Variants in CNTN6 observed in about 807,000 individuals in gnomAD.
CNTN6 encodes contactin-6.
In CNTN6, 137 loss-of-function variants were observed where a neutral mutation model predicts 122.8. The ratio of observed to expected loss-of-function variants is 1.12; its 90% CI spans 0.97 to 1.29. The LOEUF (loss-of-function observed/expected upper bound fraction) is 1.29, where lower values mean the gene tolerates loss of function less well. CNTN6 is among the 50% of genes most tolerant of loss of function. The probability of loss-of-function intolerance (pLI) is 0.00; values close to 1 mark genes in which losing one functional copy is unlikely to be tolerated. For synonymous variants in CNTN6, 570 were observed against 426.0 expected (o/e 1.34, Z -4.16); for missense variants, 1,634 against 1,223.4 (o/e 1.34, Z -5.01).
intron 4 of CNTN6, among the ~76,000 whole-genome samples, chr3:1,256,614 C>T (rs1022743118): frequency 6.6e-6 from 1 of 152,084 alleles, no homozygotes; most frequent in African/African-American, 2.4e-5. Context: ...TACTTGAAGC[C>T]TTGGGAGTAG....
At chr3:1,242,351 G>T (rs1303556050) in intron 4 of CNTN6, among the ~76,000 whole-genome samples, 1 of 151,202 alleles carries the variant, frequency 6.6e-6, no homozygotes, top group African/African-American at 2.4e-5. Context: ...GAGTGTAGGG[G>T]TTGGGCACCA....
intron 1 of CNTN6, among the ~76,000 whole-genome samples, chr3:1,134,509 C>T (rs1411528902): frequency 2.6e-5 from 4 of 151,962 alleles, no homozygotes; most frequent in South Asian, 2.1e-4. Flanking sequence ...GCTAGTAGCC[C>T]GTGATACTCT....
chr3:1,322,802 T>A (rs1249997237), intron 8 of CNTN6, among the ~76,000 whole-genome samples: 1 of 151,628 alleles, frequency 6.6e-6, no homozygotes. Context: ...CAATGAATAC[T>A]ACTATTTTAT....
intron 7 of CNTN6, among the ~76,000 whole-genome samples, chr3:1,318,202 GTC>G (rs1433645789): frequency 6.6e-6 from 1 of 151,720 alleles, no homozygotes; most frequent in African/African-American, 2.4e-5. Flanking sequence ...TAAGTCTCAT[GTC>G]TCTTGCGTTT....
chr3:1,258,236 G>C (rs2094791088), intron 4 of CNTN6, among the ~76,000 whole-genome samples: 1 of 152,138 alleles, frequency 6.6e-6, no homozygotes, highest in African/African-American at 2.4e-5. Context: ...TGTGGGTGAA[G>C]TTCCTTTTAT....
intron 5 of CNTN6, among the ~76,000 whole-genome samples, chr3:1,293,942 G>A (rs778388717): frequency 2.4e-4 from 36 of 152,260 alleles, no homozygotes; most frequent in African/African-American, 7.9e-4. Flanking sequence ...TGGCTAAAAC[G>A]AAAGAAATTG....
At chr3:1,182,034 C>T (rs1471711780) in intron 2 of CNTN6, among the ~76,000 whole-genome samples, 3 of 151,896 alleles carry the variant, frequency 2.0e-5, no homozygotes, top group African/African-American at 7.2e-5. Context: ...TTTTCTTAAT[C>T]GTTCTGCTTT....
In CNTN6 at chr3:1,403,456, C is replaced by G. The variant is rs1314406059; in HGVS notation, c.*38C>G. The G allele has an allele frequency of 7.3e-7, 1 of 1,370,660 alleles. No individual in the cohort carries two copies. Among genetic ancestry groups the G allele is most frequent in the Non-Finnish European group, 1.0e-6 (1 of 962,798 alleles). The allele number at this position is 1,370,660 out of a possible 1,614,324, so 84.9% of individuals were successfully genotyped here. ...TAAATCTTTGAGAGTTTTTTGAAAG[C>G]AAATCATTCTGTATATATGCTCTCC... On this transcript the variant is annotated 3_prime_UTR_variant, in exon 23 of 23. Transcript: ENST00000446702.
At chr3:1,198,702 A>G (rs1344038366) in intron 2 of CNTN6, among the ~76,000 whole-genome samples, 1 of 149,210 alleles carries the variant, frequency 6.7e-6, no homozygotes, top group Admixed American at 6.7e-5. Context: ...AGCCTGGGCA[A>G]CAAGAACGAA....
chr3:1,317,050 A>T (rs921460102), intron 7 of CNTN6, among the ~76,000 whole-genome samples: 1 of 151,960 alleles, frequency 6.6e-6, no homozygotes, highest in African/African-American at 2.4e-5. Context: ...TGGCATTCAG[A>T]TTTAGCAGTT....
intron 2 of CNTN6, among the ~76,000 whole-genome samples, chr3:1,154,778 C>T (rs1043254456): frequency 2.0e-5 from 3 of 152,176 alleles, no homozygotes; most frequent in African/African-American, 7.2e-5. Flanking sequence ...CCGATTTAAA[C>T]AACTCCAGAT....
rs556270199 is a variant in CNTN6 at position 1,235,248 on chromosome 3, G to A, written c.358+7255G>A. ...TAGGGGATCCATTCTATCAAAACTG[G>A]GAGTTTCTGATTTACAAAACTGAGA... On this transcript the variant is annotated intron_variant, in intron 4 of 22. Coordinates refer to ENST00000446702, the MANE Select transcript of CNTN6 (RefSeq NM_001289080.2). 1.0e-3 allele frequency among the ~76,000 whole-genome samples: 156 copies of A among 152,136 alleles called. 2 individuals carry two copies. Among genetic ancestry groups the A allele is most frequent in the African/African-American group, 3.6e-3 (149 of 41,514 alleles).
chr3:1,146,797 C>T (rs1200595788), intron 1 of CNTN6, among the ~76,000 whole-genome samples: 2 of 151,858 alleles, frequency 1.3e-5, no homozygotes, highest in African/African-American at 4.8e-5. Context: ...ATAGATATAA[C>T]ATATGATCTA....
chr3:1,263,003 A>C (rs2094871988), intron 4 of CNTN6, among the ~76,000 whole-genome samples: 1 of 152,164 alleles, frequency 6.6e-6, no homozygotes, highest in African/African-American at 2.4e-5. Flanking sequence ...TAAGAGTTAT[A>C]AGTTATTTAG....
At chr3:1,111,671 A>AG (rs1177115214) in intron 1 of CNTN6, among the ~76,000 whole-genome samples, 1 of 152,174 alleles carries the variant, frequency 6.6e-6, no homozygotes, top group African/African-American at 2.4e-5. Flanking sequence ...ACTGAGTGTG[A>AG]GGTAGTTTCA....
intron 12 of CNTN6, among the ~76,000 whole-genome samples, chr3:1,359,000 C>T (rs372162840): frequency 9.5e-4 from 145 of 152,092 alleles, no homozygotes; most frequent in Middle Eastern, 3.4e-3. Context: ...TTCAAGATTG[C>T]AGTGAGCTAT....
intron 3 of CNTN6, among the ~76,000 whole-genome samples, chr3:1,224,110 T>C (rs2094245753): frequency 6.6e-6 from 1 of 152,188 alleles, no homozygotes; most frequent in South Asian, 2.1e-4. Flanking sequence ...TGGTGTTCTC[T>C]GTCAGAGGTC....
At chr3:1,171,188 C>A (rs920448815) in intron 2 of CNTN6, among the ~76,000 whole-genome samples, 2 of 152,114 alleles carry the variant, frequency 1.3e-5, no homozygotes, top group African/African-American at 4.8e-5. Flanking sequence ...GCTAAATATT[C>A]AATGTTAAAA....
chr3:1,209,934 A>G (rs2094011128), intron 2 of CNTN6, among the ~76,000 whole-genome samples: 3 of 152,156 alleles, frequency 2.0e-5, no homozygotes, highest in South Asian at 4.1e-4. Context: ...TTTGCTTTCA[A>G]TTCTTGCTCC....
Sources: allele counts gnomAD v4.1 joint callset (sites outside exome capture counted in the v4.1 genomes callset), GRCh38; gene constraint gnomAD v4.1.1; transcripts MANE v1.5; gene names NCBI Gene and HGNC (gene_info 2026-07-23, HGNC 2026-07-21).